HDAC9: variants seen among roughly 807,000 people sequenced by gnomAD.
HDAC9 encodes the protein histone deacetylase 9.
HDAC9 carries 41 observed loss-of-function variants against 139.4 expected under a neutral mutation model. The ratio of observed to expected loss-of-function variants is 0.29; its 90% CI spans 0.23 to 0.38. HDAC9 has a LOEUF of 0.38. Ranked by LOEUF, HDAC9 falls within the 10% of genes least tolerant of loss-of-function variation. The pLI is 1.00. For synonymous variants in HDAC9, 517 were observed against 476.2 expected (o/e 1.09, Z -1.12); for missense variants, 1,147 against 1,297.0 (o/e 0.88, Z 1.78).
At position 18,247,409 on chromosome 7, in the gene HDAC9, T is replaced by C. The variant is rs564837727; in HGVS notation, c.25+85060T>C. 7.7e-4 allele frequency among the ~76,000 whole-genome samples: 117 copies of C among 152,032 alleles called. 3 individuals carry two copies. The South Asian group carries it at 0.024, about 31-fold the overall frequency. ...TGGGTGTGTAGTGTTTTGGAAGCCATGTAATGAAAGTAAACCAAGGAGGAG... is the reference window on the plus strand; with the variant it reads ...TGGGTGTGTAGTGTTTTGGAAGCCACGTAATGAAAGTAAACCAAGGAGGAG... On this transcript the variant is annotated intron_variant, in intron 2 of 12. Coordinates refer to the HDAC9 transcript ENST00000417496.
At chr7:18,434,045 T>G (rs1369825326) in intron 1 of HDAC9, among the ~76,000 whole-genome samples, 1 of 152,136 alleles carries the variant, frequency 6.6e-6, no homozygotes, top group Non-Finnish European at 1.5e-5. Flanking sequence ...CAAAACAGCA[T>G]GGTACTGGTA....
intron 1 of HDAC9, among the ~76,000 whole-genome samples, chr7:18,321,386 C>T (rs1237088553): frequency 6.6e-6 from 1 of 152,084 alleles, no homozygotes; most frequent in African/African-American, 2.4e-5. Flanking sequence ...ATTCCATGTA[C>T]CACACAAGAG....
At chr7:18,583,791 T>G (rs1163194317) in intron 2 of HDAC9, among the ~76,000 whole-genome samples, 2 of 152,232 alleles carry the variant, frequency 1.3e-5, no homozygotes, top group African/African-American at 2.4e-5. Context: ...CAGTTAACAG[T>G]TATTTCTGTC....
intron 23 of HDAC9, among the ~76,000 whole-genome samples, chr7:18,942,056 C>A (rs1782062862): frequency 6.6e-6 from 1 of 151,968 alleles, no homozygotes; most frequent in African/African-American, 2.4e-5. Flanking sequence ...GAAAGCAGTT[C>A]TTTGCCATGG....
chr7:18,642,605 G>A (rs950242494), intron 8 of HDAC9, among the ~76,000 whole-genome samples: 1 of 152,022 alleles, frequency 6.6e-6, no homozygotes, highest in African/African-American at 2.4e-5. Flanking sequence ...CACCATGGTA[G>A]GTGCTGAATA....
intron 25 of HDAC9, among the ~76,000 whole-genome samples, chr7:18,987,824 A>G (rs1585492987): frequency 6.6e-6 from 1 of 151,980 alleles, no homozygotes; most frequent in Non-Finnish European, 1.5e-5. Flanking sequence ...GAATTTATCC[A>G]TTTCTTCTAG....
At chr7:18,591,098 A>G (rs1481945320) in intron 4 of HDAC9, among the ~76,000 whole-genome samples, 1 of 152,216 alleles carries the variant, frequency 6.6e-6, no homozygotes, top group Non-Finnish European at 1.5e-5. Context: ...TTTTCAAACT[A>G]GCAACTCAGA....
intron 1 of HDAC9, among the ~76,000 whole-genome samples, chr7:18,303,721 G>A (rs1161642954): frequency 1.3e-5 from 2 of 152,208 alleles, no homozygotes; most frequent in East Asian, 1.9e-4. Flanking sequence ...GTGTGGCCAT[G>A]TGGCTGAGTT....
intron 24 of HDAC9, 33 bp from the exon 25 acceptor site, chr7:18,975,773 A>T (rs765046282): frequency 6.2e-7 from 1 of 1,606,570 alleles, no homozygotes; most frequent in Non-Finnish European, 8.5e-7. Flanking sequence ...TGTAATTACA[A>T]TTCTTATGAA....
intron 12 of HDAC9, among the ~76,000 whole-genome samples, chr7:18,695,239 T>C (rs1270065389): frequency 2.0e-5 from 3 of 152,142 alleles, no homozygotes; most frequent in African/African-American, 7.2e-5. Context: ...GGGTTGCCAC[T>C]CAAGTTAGAA....
chr7:18,360,423 C>G (rs147928485), intron 1 of HDAC9, among the ~76,000 whole-genome samples: 31 of 152,216 alleles, frequency 2.0e-4, no homozygotes, highest in African/African-American at 7.2e-4. Flanking sequence ...ATGCATCAAC[C>G]TTATGACTTG....
At chr7:18,659,009 G>C (rs1360668053) in intron 11 of HDAC9, among the ~76,000 whole-genome samples, 8 of 151,442 alleles carry the variant, frequency 5.3e-5, no homozygotes, top group Non-Finnish European at 1.0e-4. Flanking sequence ...TTGCATTGAA[G>C]TTCACTTTGC....
chr7:18,225,290 C>T (rs990354677), intron 2 of HDAC9, among the ~76,000 whole-genome samples: 9 of 152,322 alleles, frequency 5.9e-5, no homozygotes, highest in African/African-American at 2.2e-4. Flanking sequence ...ACATGCTTCA[C>T]ACTTGCACTA....
At chr7:18,667,582 G>C (rs1795180262) in intron 12 of HDAC9, 10 of 985,168 alleles carry the variant, frequency 1.0e-5, no homozygotes, top group Non-Finnish European at 1.2e-5. Flanking sequence ...GTTTATTCAA[G>C]TCAGTTCTTT....
intron 6 of HDAC9, among the ~76,000 whole-genome samples, chr7:18,620,990 A>AG (rs556529842): frequency 6.6e-6 from 1 of 152,204 alleles, no homozygotes; most frequent in Non-Finnish European, 1.5e-5. Context: ...TCGAAGCAAA[A>AG]CAATGTGTAG....
chr7:18,398,898 A>G (rs150833979), intron 1 of HDAC9, among the ~76,000 whole-genome samples: 2,161 of 152,184 alleles, frequency 0.014, 23 homozygotes, highest in Non-Finnish European at 0.021. Flanking sequence ...TTTGAAACAT[A>G]CGAAATCCCT....
rs562702801 is a variant in HDAC9 at position 18,473,797 on chromosome 7, G to GGT, written c.-41-22463_-41-22462dup. On this transcript the variant is annotated intron_variant, in intron 1 of 3. Transcript: ENST00000413509. Reference sequence around the variant, plus strand: ...CTTCATGCTGATGGATCAACCTGTTGGTGAAATGGTGTTAAATGGTCTTAA... The same window carrying GGT: ...CTTCATGCTGATGGATCAACCTGTTGGTGTGAAATGGTGTTAAATGGTCTTAA... Among the ~76,000 whole-genome samples, 3 of 152,138 alleles carry GGT rather than the reference G, an allele frequency of 2.0e-5. No homozygotes were observed. In the South Asian group the frequency reaches 6.2e-4, roughly 32 times the overall value.
intron 2 of HDAC9, among the ~76,000 whole-genome samples, chr7:18,189,999 G>T (rs1159945673): frequency 6.6e-6 from 1 of 151,856 alleles, no homozygotes; most frequent in Admixed American, 6.6e-5. Context: ...GAGTACAGTG[G>T]CACGATCTCA....
At chr7:18,226,502 T>C (rs913194653) in intron 2 of HDAC9, among the ~76,000 whole-genome samples, 7 of 152,084 alleles carry the variant, frequency 4.6e-5, no homozygotes, top group Admixed American at 3.9e-4. Flanking sequence ...AGAATAAGTG[T>C]CACGCTAGTA....
Sources: gnomAD v4.1 joint callset for allele counts (sites outside exome capture counted in the v4.1 genomes callset) on GRCh38, gnomAD v4.1.1 for gene constraint, MANE v1.5 for transcripts, NCBI Gene and HGNC (gene_info 2026-07-23, HGNC 2026-07-21) for gene names.